The following PTPRM variants were observed in gnomAD, a reference collection of about 807,000 sequenced individuals.
PTPRM encodes the protein protein tyrosine phosphatase receptor type M, also known as receptor-type tyrosine-protein phosphatase mu.
PTPRM carries 47 observed loss-of-function variants against 186.7 expected under a neutral mutation model. That is an observed-to-expected ratio of 0.25 (90% CI 0.20 to 0.32). The LOEUF (loss-of-function observed/expected upper bound fraction) is 0.32, where lower values mean the gene tolerates loss of function less well. PTPRM is among the 10% of genes least tolerant of loss of function. The pLI is 1.00. For synonymous variants in PTPRM, 668 were observed against 674.9 expected (o/e 0.99, Z 0.16); for missense variants, 1,494 against 1,865.0 (o/e 0.80, Z 3.66).
At chr18:8,110,235 T>C (rs116675656) in intron 11 of PTPRM, among the ~76,000 whole-genome samples, 1 of 152,108 alleles carries the variant, frequency 6.6e-6, no homozygotes, top group African/African-American at 2.4e-5. Flanking sequence ...TTGAAAATAG[T>C]GATAAAAGGA....
chr18:7,827,939 G>C (rs1045427221), intron 2 of PTPRM, among the ~76,000 whole-genome samples: 1 of 152,218 alleles, frequency 6.6e-6, no homozygotes, highest in Non-Finnish European at 1.5e-5. Flanking sequence ...GCTTTAGAGA[G>C]GCACTGGATA....
chr18:8,098,465 C>G (rs1465630681), intron 11 of PTPRM, among the ~76,000 whole-genome samples: 1 of 152,094 alleles, frequency 6.6e-6, no homozygotes, highest in Non-Finnish European at 1.5e-5. Context: ...AGACCCTAGA[C>G]CTTCATTTAA....
chr18:7,931,196 A>T (rs1416518871), intron 5 of PTPRM, among the ~76,000 whole-genome samples: 1 of 151,834 alleles, frequency 6.6e-6, no homozygotes, highest in East Asian at 1.9e-4. Flanking sequence ...TACTAAAATT[A>T]AGTGTATTTA....
At chr18:8,195,104 G>A (rs1391643217) in intron 14 of PTPRM, among the ~76,000 whole-genome samples, 1 of 151,260 alleles carries the variant, frequency 6.6e-6, no homozygotes, top group East Asian at 1.9e-4. Flanking sequence ...CAGGAGTACT[G>A]GGAAGTAGCT....
chr18:7,648,479 G>T (rs1026076393), intron 1 of PTPRM, among the ~76,000 whole-genome samples: 1 of 152,194 alleles, frequency 6.6e-6, no homozygotes, highest in African/African-American at 2.4e-5. Flanking sequence ...AGAAAGCTAG[G>T]TCTCTTGTGC....
intron 2 of PTPRM, among the ~76,000 whole-genome samples, chr18:7,883,466 GTGA>G (rs968618729): frequency 1.7e-4 from 26 of 152,152 alleles, no homozygotes; most frequent in African/African-American, 6.3e-4. Flanking sequence ...TAGCAGATAG[GTGA>G]TAAAAACGAA....
intron 31 of PTPRM, among the ~76,000 whole-genome samples, chr18:8,393,774 A>G (rs980788509): frequency 3.8e-5 from 4 of 105,194 alleles, no homozygotes; most frequent in Non-Finnish European, 6.3e-5. Context: ...TGAAATGCCA[A>G]TGGATTTGTT....
intron 7 of PTPRM, among the ~76,000 whole-genome samples, chr18:7,989,068 C>G (rs1328589126): frequency 6.6e-6 from 1 of 152,038 alleles, no homozygotes; most frequent in Non-Finnish European, 1.5e-5. Context: ...AATACATATT[C>G]AATTAATACT....
intron 1 of PTPRM, among the ~76,000 whole-genome samples, chr18:7,735,588 A>T (rs1356909886): frequency 7.2e-6 from 1 of 138,186 alleles, no homozygotes; most frequent in Non-Finnish European, 1.5e-5. Context: ...TATACCTAAA[A>T]AATATACCTA....
intron 7 of PTPRM, among the ~76,000 whole-genome samples, chr18:8,012,905 A>G (rs1325136486): frequency 6.6e-6 from 1 of 152,080 alleles, no homozygotes; most frequent in East Asian, 1.9e-4. Context: ...CACATGAAAG[A>G]GCTGGACTAC....
intron 2 of PTPRM, among the ~76,000 whole-genome samples, chr18:7,833,694 A>G (rs932080432): frequency 2.0e-5 from 3 of 152,122 alleles, no homozygotes; most frequent in African/African-American, 7.2e-5. Context: ...AGATCTCACC[A>G]TGGCACTCCA....
intron 2 of PTPRM, among the ~76,000 whole-genome samples, chr18:7,879,047 T>C (rs2048372525): frequency 6.6e-6 from 1 of 152,226 alleles, no homozygotes; most frequent in South Asian, 2.1e-4. Context: ...GTTTTTTACT[T>C]ATAAATTACA....
chr18:7,979,967 C>T (rs1270436910), intron 7 of PTPRM, among the ~76,000 whole-genome samples: 3 of 152,208 alleles, frequency 2.0e-5, no homozygotes, highest in East Asian at 1.9e-4. Flanking sequence ...GCCCAGCTCT[C>T]GCTCCTGCCT....
intron 9 of PTPRM, among the ~76,000 whole-genome samples, chr18:8,077,866 A>T (rs1391612310): frequency 6.6e-6 from 1 of 152,204 alleles, no homozygotes; most frequent in Non-Finnish European, 1.5e-5. Context: ...ATCCTACAAG[A>T]GATATATCTC....
chr18:8,078,320 C>T (rs914932548), intron 9 of PTPRM, among the ~76,000 whole-genome samples: 1 of 152,150 alleles, frequency 6.6e-6, no homozygotes, highest in African/African-American at 2.4e-5. Flanking sequence ...AGCTTCCTCC[C>T]GGAGCTGAAG....
intron 3 of PTPRM, among the ~76,000 whole-genome samples, chr18:7,903,915 A>C (rs2049838936): frequency 6.6e-6 from 1 of 152,196 alleles, no homozygotes; most frequent in Admixed American, 6.5e-5. Flanking sequence ...AATGTGTAGA[A>C]GTGAAAACAT....
At chr18:7,573,090 A>C (rs1294654415) in intron 1 of PTPRM, among the ~76,000 whole-genome samples, 2 of 152,182 alleles carry the variant, frequency 1.3e-5, no homozygotes, top group Non-Finnish European at 1.5e-5. Context: ...GGAGGCTGGC[A>C]AGGCCAGGGC....
intron 1 of PTPRM, among the ~76,000 whole-genome samples, chr18:7,633,295 G>C (rs2038234595): frequency 6.6e-6 from 1 of 152,124 alleles, no homozygotes; most frequent in African/African-American, 2.4e-5. Context: ...TGATGAAATG[G>C]ACTCTCTTTC....
chr18:8,245,958 G>C (rs908837083), intron 15 of PTPRM, among the ~76,000 whole-genome samples: 1 of 152,148 alleles, frequency 6.6e-6, no homozygotes, highest in African/African-American at 2.4e-5. Flanking sequence ...AGCTGCAGAG[G>C]CCAACGGAGC....
Sources: allele counts gnomAD v4.1 joint callset (sites outside exome capture counted in the v4.1 genomes callset), GRCh38; gene constraint gnomAD v4.1.1; transcripts MANE v1.5; gene names NCBI Gene and HGNC (gene_info 2026-07-23, HGNC 2026-07-21).